The following TAX1BP1 variants were observed in gnomAD, a reference collection of about 807,000 sequenced individuals.
The protein encoded by TAX1BP1 is Tax1 binding protein 1, also known as tax1-binding protein 1.
TAX1BP1 carries 62 observed loss-of-function variants against 97.7 expected under a neutral mutation model. The ratio of observed to expected loss-of-function variants is 0.63; its 90% CI spans 0.52 to 0.78. The LOEUF (loss-of-function observed/expected upper bound fraction) is 0.78, where lower values mean the gene tolerates loss of function less well. TAX1BP1 is among the 30% of genes least tolerant of loss of function. The probability of loss-of-function intolerance (pLI) is 0.00; values close to 1 mark genes in which losing one functional copy is unlikely to be tolerated. For synonymous variants in TAX1BP1, 340 were observed against 304.2 expected (o/e 1.12, Z -1.23); for missense variants, 867 against 916.1 (o/e 0.95, Z 0.69).
intron 12 of TAX1BP1, among the ~76,000 whole-genome samples, chr7:27,797,069 C>G (rs1789963069): frequency 1.3e-5 from 2 of 151,506 alleles, no homozygotes. Context: ...GTGATCTCAG[C>G]TCACTGCAAT....
chr7:27,812,619 C>A (rs1790601098), intron 13 of TAX1BP1, among the ~76,000 whole-genome samples: 1 of 151,976 alleles, frequency 6.6e-6, no homozygotes, highest in Non-Finnish European at 1.5e-5. Context: ...AGTTTTAGCT[C>A]TCTTACTTTA....
At chr7:27,814,393 G>C (rs1372772455) in intron 13 of TAX1BP1, among the ~76,000 whole-genome samples, 1 of 151,840 alleles carries the variant, frequency 6.6e-6, no homozygotes, top group African/African-American at 2.4e-5. Context: ...GAATTATTTT[G>C]TTAATTTGTA....
chr7:27,776,613 T>G (rs1489597568), intron 5 of TAX1BP1, among the ~76,000 whole-genome samples: 3 of 152,078 alleles, frequency 2.0e-5, no homozygotes, highest in Non-Finnish European at 2.9e-5. Flanking sequence ...TGTTGTGTCC[T>G]CTTTATTTTC....
At chr7:27,750,186 G>T (rs1787971974) in intron 2 of TAX1BP1, among the ~76,000 whole-genome samples, 2 of 152,110 alleles carry the variant, frequency 1.3e-5, no homozygotes, top group South Asian at 2.1e-4. Flanking sequence ...CAGAGAGGAA[G>T]AAAACAGAAA....
intron 3 of TAX1BP1, among the ~76,000 whole-genome samples, chr7:27,765,218 G>A (rs1298397775): frequency 2.7e-5 from 4 of 150,732 alleles, no homozygotes; most frequent in Admixed American, 2.6e-4. Flanking sequence ...GTTTCACCAT[G>A]TTGGCCAGGC....
chr7:27,805,385 G>A (rs1297450730), intron 13 of TAX1BP1, among the ~76,000 whole-genome samples: 1 of 151,962 alleles, frequency 6.6e-6, no homozygotes, highest in Non-Finnish European at 1.5e-5. Flanking sequence ...CTTTATTTGT[G>A]ATACATATGT....
intron 2 of TAX1BP1, among the ~76,000 whole-genome samples, chr7:27,756,476 T>A (rs563973273): frequency 6.6e-6 from 1 of 152,156 alleles, no homozygotes; most frequent in Admixed American, 6.5e-5. Context: ...CAAGCACTTA[T>A]GTGATAGGCA....
At chr7:27,778,363 G>A (rs569316411) in intron 5 of TAX1BP1, among the ~76,000 whole-genome samples, 2 of 151,714 alleles carry the variant, frequency 1.3e-5, no homozygotes, top group Non-Finnish European at 2.9e-5. Flanking sequence ...AGTACTGTTC[G>A]CCTAGTCACA....
chr7:27,740,701 G>C (rs950689870), intron 1 of TAX1BP1, among the ~76,000 whole-genome samples: 1 of 152,344 alleles, frequency 6.6e-6, no homozygotes, highest in African/African-American at 2.4e-5. Context: ...AGTAAGCTGA[G>C]AAAACACGTA....
intron 13 of TAX1BP1, among the ~76,000 whole-genome samples, chr7:27,815,351 A>C (rs901105545): frequency 2.0e-5 from 3 of 152,118 alleles, no homozygotes; most frequent in Admixed American, 6.5e-5. Flanking sequence ...GAATGACTTG[A>C]ATTTTGTAAA....
rs1473655156 is a variant in TAX1BP1, at chr7:27,816,991, C to T, written c.2038C>T (p.Arg680Ter). The change falls in exon 15 of 17, where the codon CGA (arginine) becomes TGA (stop). Residue 680 changes from arginine (R) to a stop codon, truncating the protein, a stop_gained. Transcript: ENST00000396319. LOFTEE classifies it high-confidence loss of function. Reference protein sequence around the residue: ...EDNVVCSQPARNFSRPDGLED... With the variant: ...EDNVVCSQPA ...CAATGTTGTCTGCAGCCAGCCTGCT[C>T]GAAACTTTAGTCGGCCTGATGGCTT... 3.1e-6 allele frequency: 5 copies of T among 1,613,944 alleles called. No individual in the cohort carries two copies. The highest frequency in any genetic ancestry group is 3.4e-6 in the Non-Finnish European group (4 of 1,179,960).
Position 27,787,506 on chromosome 7 carries a change from T to C in TAX1BP1, c.941T>C (p.Val314Ala). Residue 314 changes from valine (V) to alanine (A), a missense_variant, in exon 8 of 17, where the codon GTG becomes GCG. Val to Ala is a moderately conservative substitution (Grantham distance 64, BLOSUM62 0). This residue lies in a region of TAX1BP1 where 822 missense variants were observed against 851.4 expected (regional missense o/e 0.97). Coordinates refer to ENST00000396319, the MANE Select transcript of TAX1BP1 (RefSeq NM_006024.7). ...AATTTAGATGGGAACAAAGAAAGCG[T>C]GATTACTCATTTCAAAGAAGAGATT... ...LKNLDGNKES[V>A]ITHFKEEIGR... 6.2e-7 allele frequency: 1 copy of C among 1,613,744 alleles called. No homozygotes were observed. The highest frequency in any genetic ancestry group is 8.5e-7 in the Non-Finnish European group (1 of 1,179,762).
At chr7:27,765,299 C>T (rs554951339) in intron 3 of TAX1BP1, among the ~76,000 whole-genome samples, 7 of 152,018 alleles carry the variant, frequency 4.6e-5, no homozygotes, top group Admixed American at 4.6e-4. Context: ...GGATTACAGG[C>T]ATGAGCCACC....
At chr7:27,783,138 TG>T (rs1407366172) in intron 5 of TAX1BP1, among the ~76,000 whole-genome samples, 2 of 152,194 alleles carry the variant, frequency 1.3e-5, no homozygotes, top group African/African-American at 4.8e-5. Context: ...TTTTTATGAT[TG>T]TTTTCATATC....
In TAX1BP1 at chr7:27,828,865, A is replaced by T. The variant is rs777780738; in HGVS notation, c.*36A>T. 6.3e-3 allele frequency: 2,235 copies of T among 357,020 alleles called. No homozygotes were observed. Among genetic ancestry groups the T allele is most frequent in the Middle Eastern group, 0.012 (18 of 1,516 alleles). The allele number at this position is 357,020 out of a possible 1,614,324, so 22.1% of individuals were successfully genotyped here. A position where few individuals can be genotyped will look rare whatever the true frequency, so the allele number is the denominator to read the frequency against. The stretch of plus-strand genomic sequence containing the variant: ...TTATGAGTTAATATAGTTTAGCAGT[A>T]AAAAAAAAAAAAAAAACCACACCTA... On this transcript the variant is annotated 3_prime_UTR_variant, in exon 17 of 17. Coordinates refer to ENST00000396319, the MANE Select transcript of TAX1BP1 (RefSeq NM_006024.7).
intron 9 of TAX1BP1, 58 bp from the exon 10 acceptor site, chr7:27,793,008 T>C: frequency 6.9e-7 from 1 of 1,442,538 alleles, no homozygotes; most frequent in Non-Finnish European, 9.4e-7. Flanking sequence ...GGGGTTACTA[T>C]TAACATTAGG....
At chr7:27,747,357 C>T (rs1787863593) in intron 1 of TAX1BP1, among the ~76,000 whole-genome samples, 2 of 152,212 alleles carry the variant, frequency 1.3e-5, no homozygotes, top group Non-Finnish European at 2.9e-5. Flanking sequence ...CACCATTCAT[C>T]TGCTATCCAG....
At chr7:27,801,649 A>G (rs17155863) in intron 13 of TAX1BP1, among the ~76,000 whole-genome samples, 15,059 of 152,268 alleles carry the variant, frequency 0.099, 816 homozygotes, top group South Asian at 0.12. Context: ...TAATGGTAGT[A>G]TGCACAAAAT....
At chr7:27,827,617 CAG>C (rs1461703745) in intron 15 of TAX1BP1, 119 bp from the exon 16 acceptor site, 2 of 715,744 alleles carry the variant, frequency 2.8e-6, no homozygotes, top group Non-Finnish European at 4.7e-6. Flanking sequence ...TAAATGATAG[CAG>C]AGAGAAAATT....
Sources: allele counts gnomAD v4.1 joint callset (sites outside exome capture counted in the v4.1 genomes callset), GRCh38; gene constraint gnomAD v4.1.1; regional missense constraint gnomAD v4.1.1; transcripts MANE v1.5; gene names NCBI Gene and HGNC (gene_info 2026-07-23, HGNC 2026-07-21).